The following BICRA variants were observed in gnomAD, a reference collection of about 807,000 sequenced individuals.
BICRA encodes BRD4 interacting chromatin remodeling complex associated protein.
BICRA carries 31 observed loss-of-function variants against 96.9 expected under a neutral mutation model. That is an observed-to-expected ratio of 0.32 (90% confidence interval 0.24 to 0.43). The LOEUF (loss-of-function observed/expected upper bound fraction) is 0.43, where lower values mean the gene tolerates loss of function less well. BICRA is among the 20% of genes least tolerant of loss of function. The probability of loss-of-function intolerance (pLI) is 1.00; values close to 1 mark genes in which losing one functional copy is unlikely to be tolerated. For missense variants in BICRA, 2,283 were observed against 2,190.3 expected (o/e 1.04, Z -0.84); for synonymous variants, 1,350 against 1,071.8 (o/e 1.26, Z -5.07).
intron 2 of BICRA, among the ~76,000 whole-genome samples, chr19:47,673,281 G>A (rs1422253773): frequency 6.6e-6 from 1 of 152,154 alleles, no homozygotes; most frequent in African/African-American, 2.4e-5. Flanking sequence ...GATTAGCTTA[G>A]TGTGTGTGAG....
In BICRA at chr19:47,694,371, C is replaced by T. The variant is rs1973293533; in HGVS notation, c.2540C>T (p.Ala847Val). 7.7e-7 allele frequency: 1 copy of T among 1,299,200 alleles called. No homozygotes were observed. The highest frequency in any genetic ancestry group is 1.1e-6 in the Non-Finnish European group (1 of 918,528). The allele number at this position is 1,299,200 out of a possible 1,614,324, so 80.5% of individuals were successfully genotyped here. Residue 847 changes from alanine (A) to valine (V), a missense_variant, in exon 8 of 15, where the codon GCC becomes GTC. Ala to Val is a moderately conservative substitution (Grantham distance 64). Transcript: ENST00000594866. ...AACCAGCTAGGCGTTCCCCCGCCTGCCAGCAACCCGGCCCCTACTGCCCCA... is the reference window on the plus strand; with the variant it reads ...AACCAGCTAGGCGTTCCCCCGCCTGTCAGCAACCCGGCCCCTACTGCCCCA... Reference protein sequence around the residue: ...IQNQLGVPPPASNPAPTAPGP... With the variant: ...IQNQLGVPPPVSNPAPTAPGP...
chr19:47,650,663 G>A (rs1014788587), intron 1 of BICRA, among the ~76,000 whole-genome samples: 11 of 152,204 alleles, frequency 7.2e-5, no homozygotes, highest in Non-Finnish European at 1.5e-4. Flanking sequence ...GCCCATAGCT[G>A]CCACTTCAGT....
rs1183427099 is a variant in BICRA at position 47,698,630 on chromosome 19, G to A, written c.3249-4G>A. ...TGTGTGGTCTCTCCCCTTTCCACCC[G>A]CAGTTTCCTGGAGCATTTGCACAAA... On this transcript the variant is annotated splice_region_variant and splice_polypyrimidine_tract_variant and intron_variant, in intron 11 of 14. Coordinates refer to ENST00000594866, the MANE Select transcript of BICRA (RefSeq NM_001394372.1). This position sits in a 1 kb window ranked among gnomAD's most constrained non-coding sequence, Gnocchi z 4.8. The A allele has an allele frequency of 1.3e-5, 11 of 857,762 alleles. No homozygotes were observed. The highest frequency in any genetic ancestry group is 9.6e-5 in the South Asian group (6 of 62,310). The allele number at this position is 857,762 out of a possible 1,614,324, so 53.1% of individuals were successfully genotyped here.
At position 47,698,586 on chromosome 19, in the gene BICRA, T is replaced by TACCCCC; in HGVS notation, c.3249-48_3249-47insACCCCC. On this transcript the variant is annotated intron_variant, in intron 11 of 14. Transcript: ENST00000594866. The surrounding 1 kb of genome is among the most constrained non-coding windows in gnomAD (Gnocchi z 4.8). ...AGGGACTTCCCCTGGCCCTCACCCG[T>TACCCCC]CCCCCCCACCCTCCGCCGTGTGTGG... 2.8e-6 allele frequency: 2 copies of TACCCCC among 716,708 alleles called. No individual in the cohort carries two copies. The highest frequency in any genetic ancestry group is 5.1e-6 in the Non-Finnish European group (2 of 392,846). The allele number at this position is 716,708 out of a possible 1,614,324, so 44.4% of individuals were successfully genotyped here.
Position 47,694,595 on chromosome 19 carries a change from C to A in BICRA, c.2764C>A (p.Pro922Thr). 6.5e-7 allele frequency: 1 copy of A among 1,548,372 alleles called. No individual in the cohort carries two copies. Among genetic ancestry groups the A allele is most frequent in the Non-Finnish European group, 8.9e-7 (1 of 1,121,862 alleles). The change falls in exon 8 of 15, where the codon CCC (proline) becomes ACC (threonine). Residue 922 changes from proline to threonine, a missense_variant. By Grantham distance (38) the Pro-to-Thr change is conservative (BLOSUM62 -1). Coordinates refer to ENST00000594866, the MANE Select transcript of BICRA (RefSeq NM_001394372.1). The stretch of plus-strand genomic sequence containing the variant: ...CCAGGGGCCCCACAAGTCCCCCACT[C>A]CCCCTCCAACCCTCCACCTGGTCCC... ...PSQGPHKSPT[P>T]PPTLHLVPEP...
At chr19:47,664,689 A>G (rs1489779100) in intron 1 of BICRA, among the ~76,000 whole-genome samples, 1 of 152,208 alleles carries the variant, frequency 6.6e-6, no homozygotes, top group Non-Finnish European at 1.5e-5. Flanking sequence ...GTGATGCCAC[A>G]GTGACGAGTG....
chr19:47,688,618 G>A (rs1555790435), intron 7 of BICRA, among the ~76,000 whole-genome samples: 4 of 151,504 alleles, frequency 2.6e-5, no homozygotes, highest in Admixed American at 1.3e-4. Context: ...GTGAAACCCC[G>A]TCTCTACTAA....
intron 1 of BICRA, among the ~76,000 whole-genome samples, chr19:47,646,589 C>T (rs1972463081): frequency 6.6e-6 from 1 of 152,164 alleles, no homozygotes; most frequent in Non-Finnish European, 1.5e-5. Flanking sequence ...GAGCTCAGGT[C>T]ACGCACTTCA....
Position 47,694,736 on chromosome 19 carries a change from G to C in BICRA, c.2895+10G>C, listed in dbSNP as rs1321033947. 7.4e-7 allele frequency: 1 copy of C among 1,360,326 alleles called. No homozygotes were observed. Among genetic ancestry groups the C allele is most frequent in the Admixed American group, 1.8e-5 (1 of 55,482 alleles). 84.3% of individuals were successfully genotyped at this position (1,360,326 alleles called of 1,614,324 possible). On this transcript the variant is annotated intron_variant, in intron 8 of 14. Coordinates refer to ENST00000594866, the MANE Select transcript of BICRA (RefSeq NM_001394372.1). Reference sequence around the variant, plus strand: ...CGAGAGATTTCACCAGGTAACGGGAGGCAGGGACTGCCCGCCCCATCAGCC... The same window carrying C: ...CGAGAGATTTCACCAGGTAACGGGACGCAGGGACTGCCCGCCCCATCAGCC...
At chr19:47,624,129 G>A (rs1333006425) in intron 1 of BICRA, among the ~76,000 whole-genome samples, 1 of 152,122 alleles carries the variant, frequency 6.6e-6, no homozygotes, top group Non-Finnish European at 1.5e-5. Flanking sequence ...GGGATTACAG[G>A]CGTGAGCCAA....
chr19:47,678,879 C>CT (rs1195002520), intron 5 of BICRA: 258 of 179,094 alleles, frequency 1.4e-3, no homozygotes, highest in Middle Eastern at 4.5e-3. Context: ...GTTCTTTTTT[C>CT]TTTTTTTTTT....
At chr19:47,685,758 T>TGG (rs1260812887) in intron 7 of BICRA, among the ~76,000 whole-genome samples, 14 of 125,568 alleles carry the variant, frequency 1.1e-4, no homozygotes, top group Non-Finnish European at 2.1e-4. Context: ...TGTGTGTGTG[T>TGG]GTGTGTGTGT....
At chr19:47,691,686 C>T (rs1973243112) in intron 7 of BICRA, among the ~76,000 whole-genome samples, 1 of 152,098 alleles carries the variant, frequency 6.6e-6, no homozygotes, top group Admixed American at 6.6e-5. Flanking sequence ...GCCTCAGCCT[C>T]CTGAGTGGCC....
At chr19:47,617,090 AGTG>A in intron 1 of BICRA, among the ~76,000 whole-genome samples, 1 of 151,254 alleles carries the variant, frequency 6.6e-6, no homozygotes. Flanking sequence ...AGCTTCCCAA[AGTG>A]CTGGGATTAC....
chr19:47,667,667 A>T (rs1415291125), intron 1 of BICRA, among the ~76,000 whole-genome samples: 1 of 152,072 alleles, frequency 6.6e-6, no homozygotes. Flanking sequence ...TGGGATCGGG[A>T]CCTGAGAGGA....
chr19:47,696,309 G>A, intron 10 of BICRA, 142 bp from the exon 11 acceptor site: 1 of 697,992 alleles, frequency 1.4e-6, no homozygotes, highest in Non-Finnish European at 2.4e-6. Context: ...ATGGGCAGGG[G>A]ATCCTGTAGC....
chr19:47,694,148 C>T lies in BICRA; in HGVS notation c.2317C>T (p.Pro773Ser), dbSNP rs966336161. 2.2e-5 allele frequency: 33 copies of T among 1,522,448 alleles called. No homozygotes were observed. The highest frequency in any genetic ancestry group is 2.7e-5 in the Non-Finnish European group (31 of 1,132,086). 94.3% of individuals were successfully genotyped at this position (1,522,448 alleles called of 1,614,324 possible). A position where few individuals can be genotyped will look rare whatever the true frequency, so the allele number is the denominator to read the frequency against. The change falls in exon 8 of 15, where the codon CCC becomes TCC. Residue 773 changes from proline (P) to serine (S), a missense_variant. Coordinates refer to ENST00000594866, the MANE Select transcript of BICRA (RefSeq NM_001394372.1). ...PAAAPLKGPG[P>S]SSSPSLPHQA... The stretch of plus-strand genomic sequence containing the variant: ...AGCGGCTCCGCTGAAGGGCCCAGGC[C>T]CCTCTTCGTCCCCGTCACTACCTCA...
intron 1 of BICRA, among the ~76,000 whole-genome samples, chr19:47,657,140 C>T (rs748627361): frequency 8.5e-5 from 13 of 152,060 alleles, no homozygotes. Flanking sequence ...GGATTACAGG[C>T]GTGAGCCACT....
intron 1 of BICRA, among the ~76,000 whole-genome samples, chr19:47,635,226 C>A (rs1972282408): frequency 1.3e-5 from 2 of 151,310 alleles, no homozygotes; most frequent in African/African-American, 4.9e-5. Context: ...GTTGTACAAT[C>A]ATCACTACTG....
Sources: allele counts gnomAD v4.1 joint callset (sites outside exome capture counted in the v4.1 genomes callset), GRCh38; gene constraint gnomAD v4.1.1; non-coding constraint Gnocchi (gnomAD v3.1); transcripts MANE v1.5; gene names NCBI Gene and HGNC (gene_info 2026-07-23, HGNC 2026-07-21).